TENM4: variants seen among roughly 807,000 people sequenced by gnomAD.
TENM4 encodes teneurin-4.
A neutral mutation model predicts 243.3 loss-of-function variants in TENM4; 82 were observed. That is an observed-to-expected ratio of 0.34 (90% CI 0.28 to 0.40). The LOEUF (loss-of-function observed/expected upper bound fraction) is 0.40, where lower values mean the gene tolerates loss of function less well. Among genes scored for constraint, TENM4 ranks in the 10% least tolerant of loss-of-function variants. The pLI is 1.00. For missense variants in TENM4, 3,138 were observed against 3,673.3 expected (o/e 0.85, Z 3.77); for synonymous variants, 1,412 against 1,456.3 (o/e 0.97, Z 0.69).
At chr11:78,776,246 C>T (rs575685350) in intron 17 of TENM4, among the ~76,000 whole-genome samples, 2 of 152,264 alleles carry the variant, frequency 1.3e-5, no homozygotes, top group Admixed American at 6.5e-5. Flanking sequence ...AACCTTCAGA[C>T]GCTTTCTTAT....
intron 6 of TENM4, among the ~76,000 whole-genome samples, chr11:79,040,451 A>C (rs1859492321): frequency 6.6e-6 from 1 of 152,156 alleles, no homozygotes; most frequent in Admixed American, 6.5e-5. Context: ...CAGCCCAGCA[A>C]CCTGAGTCAC....
At chr11:79,314,100 G>A (rs1426645831) in intron 1 of TENM4, among the ~76,000 whole-genome samples, 1 of 152,130 alleles carries the variant, frequency 6.6e-6, no homozygotes, top group East Asian at 1.9e-4. Context: ...AGTCATGAAG[G>A]CCTGGGTTCA....
intron 3 of TENM4, among the ~76,000 whole-genome samples, chr11:79,172,709 G>C (rs1863072924): frequency 6.9e-6 from 1 of 145,942 alleles, no homozygotes; most frequent in Non-Finnish European, 1.5e-5. Flanking sequence ...CTGTCACCCA[G>C]GCTGGAGTGT....
At chr11:78,708,223 G>T (rs1859303682) in intron 27 of TENM4, 138 bp downstream of exon 27, 1 of 1,135,398 alleles carries the variant, frequency 8.8e-7, no homozygotes, top group Non-Finnish European at 1.2e-6. Context: ...TGTCCTTGGT[G>T]CTCATCACAG....
At chr11:79,436,360 C>A (rs923451727) in intron 1 of TENM4, among the ~76,000 whole-genome samples, 3 of 151,832 alleles carry the variant, frequency 2.0e-5, no homozygotes, top group Non-Finnish European at 4.4e-5. Context: ...TAAAAAAAAA[C>A]CCTGACAGTG....
chr11:79,221,360 C>A (rs1367136869), intron 2 of TENM4, among the ~76,000 whole-genome samples: 2 of 151,690 alleles, frequency 1.3e-5, no homozygotes, highest in African/African-American at 2.4e-5. Context: ...TTTTTTAAGC[C>A]TTTCTAAGGA....
chr11:78,970,300 G>T (rs1459275992), intron 6 of TENM4, among the ~76,000 whole-genome samples: 1 of 152,166 alleles, frequency 6.6e-6, no homozygotes, highest in Non-Finnish European at 1.5e-5. Context: ...GCAAAGAGAG[G>T]CAGAGCTGGT....
At chr11:79,030,832 C>T (rs566527860) in intron 6 of TENM4, among the ~76,000 whole-genome samples, 9 of 152,124 alleles carry the variant, frequency 5.9e-5, no homozygotes, top group Non-Finnish European at 1.2e-4. Flanking sequence ...CAAGATCCAG[C>T]GCCCCTGAGA....
At chr11:78,677,701 G>C (rs1273196212) in intron 29 of TENM4, among the ~76,000 whole-genome samples, 1 of 150,400 alleles carries the variant, frequency 6.6e-6, no homozygotes, top group Non-Finnish European at 1.5e-5. Context: ...ATTGTCACAG[G>C]CATATGACAA....
intron 1 of TENM4, among the ~76,000 whole-genome samples, chr11:79,359,387 A>T (rs986094394): frequency 1.1e-4 from 16 of 152,130 alleles, no homozygotes; most frequent in East Asian, 7.7e-4. Context: ...GTTTTTTTTT[A>T]AAAGGTGGGG....
rs928733081 is a variant in TENM4 at position 78,854,054 on chromosome 11, G to A, written c.1681+50C>T. 3.3e-6 allele frequency: 5 copies of A among 1,509,952 alleles called. No homozygotes were observed. In the South Asian group the frequency reaches 3.8e-5, roughly 11 times the overall value. The allele number at this position is 1,509,952 out of a possible 1,614,324, so 93.5% of individuals were successfully genotyped here. On this transcript the variant is annotated intron_variant, in intron 12 of 33. Coordinates refer to ENST00000278550, the MANE Select transcript of TENM4 (RefSeq NM_001098816.3). ...GTCCCAGAATCTCCATGCAGCCTCC[G>A]ACCAAAAGAGACAATATCCCACAGC... is the stretch of plus-strand genomic sequence containing the variant.
intron 3 of TENM4, among the ~76,000 whole-genome samples, chr11:79,190,401 A>C (rs1320875392): frequency 6.6e-6 from 1 of 152,214 alleles, no homozygotes; most frequent in Admixed American, 6.5e-5. Flanking sequence ...TGTAAATGGC[A>C]AATGTCTTTC....
intron 1 of TENM4, among the ~76,000 whole-genome samples, chr11:79,373,887 G>T (rs1429523976): frequency 6.6e-6 from 1 of 152,132 alleles, no homozygotes; most frequent in African/African-American, 2.4e-5. Flanking sequence ...TCAAGGGCCT[G>T]ATTACTAGAG....
intron 6 of TENM4, among the ~76,000 whole-genome samples, chr11:78,921,357 C>G (rs1237010096): frequency 6.6e-6 from 1 of 152,232 alleles, no homozygotes; most frequent in Admixed American, 6.5e-5. Flanking sequence ...TGTCCAAAGA[C>G]AAATGCACTG....
chr11:78,734,191 AAAAAAAT>A (rs150940857), intron 20 of TENM4, among the ~76,000 whole-genome samples: 130,245 of 149,566 alleles, frequency 0.87, 57,503 homozygotes, highest in African/African-American at 0.93. Flanking sequence ...AACCTGTCTC[AAAAAAAT>A]AAAAAATAAA....
At chr11:79,004,960 A>AAAAAAAAAAC in intron 6 of TENM4, among the ~76,000 whole-genome samples, 1 of 134,108 alleles carries the variant, frequency 7.5e-6, no homozygotes, top group Admixed American at 7.3e-5. Context: ...AAAAAAAAAA[A>AAAAAAAAAAC]ACAACTCTGA....
At chr11:78,870,733 G>C (rs1591086261) in intron 9 of TENM4, among the ~76,000 whole-genome samples, 1 of 152,152 alleles carries the variant, frequency 6.6e-6, no homozygotes, top group Non-Finnish European at 1.5e-5. Flanking sequence ...TCATGGCGGA[G>C]TTGGTCCCGA....
intron 17 of TENM4, among the ~76,000 whole-genome samples, chr11:78,773,498 T>C (rs1035688612): frequency 6.6e-6 from 1 of 152,162 alleles, no homozygotes; most frequent in Non-Finnish European, 1.5e-5. Context: ...TCATATGTTG[T>C]ACCCACAACC....
chr11:79,362,758 G>A (rs753971964), intron 1 of TENM4, among the ~76,000 whole-genome samples: 3 of 152,226 alleles, frequency 2.0e-5, no homozygotes, highest in Non-Finnish European at 2.9e-5. Flanking sequence ...CTCTGAACCT[G>A]TTCTTTCACC....
Sources: allele counts gnomAD v4.1 joint callset (sites outside exome capture counted in the v4.1 genomes callset), GRCh38; gene constraint gnomAD v4.1.1; transcripts MANE v1.5; gene names NCBI Gene and HGNC (gene_info 2026-07-23, HGNC 2026-07-21).